The following NOL10 variants were observed in gnomAD, a reference collection of about 807,000 sequenced individuals.
NOL10 encodes nucleolar protein 10, also known as H_NH0074G24.1.
A neutral mutation model predicts 103.5 loss-of-function variants in NOL10; 58 were observed. The observed-to-expected ratio is 0.56, with a 90% CI of 0.45 to 0.70. The LOEUF (loss-of-function observed/expected upper bound fraction) is 0.70. Among genes scored for constraint, NOL10 ranks in the 30% least tolerant of loss-of-function variants. The probability of loss-of-function intolerance (pLI) is 0.00; values close to 1 mark genes in which losing one functional copy is unlikely to be tolerated. For missense variants in NOL10, 763 were observed against 807.3 expected, an observed-to-expected ratio of 0.95 and a Z score of 0.67; for synonymous variants, 287 against 282.5, an observed-to-expected ratio of 1.02 and a Z score of -0.16.
chr2:10,659,122 C>T lies in NOL10; in HGVS notation c.756+50G>A, dbSNP rs1467036846. The T allele has an allele frequency of 4.9e-6, 6 of 1,233,688 alleles. No individual in the cohort carries two copies. The South Asian group carries it at 7.7e-5, about 16-fold the overall frequency. The allele number at this position is 1,233,688 out of a possible 1,614,324, so 76.4% of individuals were successfully genotyped here. On this transcript the variant is annotated intron_variant, in intron 10 of 20. Transcript: ENST00000381685. The stretch of plus-strand genomic sequence containing the variant: ...GTGTATTTCTCATGACACATACACA[C>T]ACCACTGAAATACCAACTTACATGT...
intron 13 of NOL10, among the ~76,000 whole-genome samples, chr2:10,632,893 T>A (rs1677935679): frequency 6.6e-6 from 1 of 152,220 alleles, no homozygotes; most frequent in African/African-American, 2.4e-5. Context: ...AGTCTGAAAC[T>A]CCTGGGCTCA....
chr2:10,648,423 G>GC, intron 12 of NOL10, among the ~76,000 whole-genome samples: 1 of 152,272 alleles, frequency 6.6e-6, no homozygotes, highest in Non-Finnish European at 1.5e-5. Flanking sequence ...AAGAAGGGGC[G>GC]CCTACGGGTC....
intron 17 of NOL10, among the ~76,000 whole-genome samples, chr2:10,595,141 G>A (rs1180379664): frequency 7.8e-6 from 1 of 128,478 alleles, no homozygotes; most frequent in East Asian, 2.1e-4. Flanking sequence ...GAGGGGGAGG[G>A]GGCAGAGAGA....
At chr2:10,656,638 G>A (rs1182962892) in intron 11 of NOL10, among the ~76,000 whole-genome samples, 1 of 152,240 alleles carries the variant, frequency 6.6e-6, no homozygotes, top group Non-Finnish European at 1.5e-5. Context: ...GCTGAACTGT[G>A]AGGGGCTGTC....
At chr2:10,652,536 T>G (rs1430908910) in intron 12 of NOL10, among the ~76,000 whole-genome samples, 1 of 152,214 alleles carries the variant, frequency 6.6e-6, no homozygotes, top group Non-Finnish European at 1.5e-5. Flanking sequence ...CTTTCCTTCC[T>G]GCCCCAACTT....
In NOL10 at chr2:10,689,969, G is replaced by T; in HGVS notation, c.-108C>A. The T allele has an allele frequency of 1.0e-6, 1 of 990,490 alleles. No homozygotes were observed. Among genetic ancestry groups the T allele is most frequent in the Non-Finnish European group, 1.5e-6 (1 of 659,758 alleles). 61.4% of individuals were successfully genotyped at this position (990,490 alleles called of 1,614,324 possible). On this transcript the variant is annotated 5_prime_UTR_variant, in exon 1 of 21. Transcript: ENST00000381685. ...TGCTCCGCGGCGTGCGGCCGCTGGC[G>T]CCGACTGATGACGCACTTCCTGGAG... is the stretch of plus-strand genomic sequence containing the variant.
rs1674140888 is a variant in NOL10, at chr2:10,570,776, A to C, written c.*1295T>G. 2 of 152,076 alleles carry C rather than the reference A, an allele frequency of 1.3e-5. No individual in the cohort carries two copies. Among genetic ancestry groups the C allele is most frequent in the African/African-American group, 4.8e-5 (2 of 41,398 alleles). The allele number at this position is 152,076 out of a possible 1,614,324, so 9.4% of individuals were successfully genotyped here. Reference sequence around the variant, plus strand: ...TTCTCAAAGAAGCTATTCAAATGAAAGTATATTTATTTTTATAAATGTTTC... The same window carrying C: ...TTCTCAAAGAAGCTATTCAAATGAACGTATATTTATTTTTATAAATGTTTC... On this transcript the variant is annotated 3_prime_UTR_variant, in exon 21 of 21. Coordinates refer to ENST00000381685, the MANE Select transcript of NOL10 (RefSeq NM_024894.4).
intron 13 of NOL10, among the ~76,000 whole-genome samples, chr2:10,609,562 TGCACTCCA>T (rs1676446239): frequency 6.6e-6 from 1 of 151,790 alleles, no homozygotes; most frequent in Non-Finnish European, 1.5e-5. Context: ...ATCACGCCAC[TGCACTCCA>T]GCCTGGGCGA....
At chr2:10,593,729 G>A (rs922333731) in intron 17 of NOL10, among the ~76,000 whole-genome samples, 5 of 152,206 alleles carry the variant, frequency 3.3e-5, no homozygotes, top group African/African-American at 1.2e-4. Context: ...GGCTGAGGCT[G>A]GCACTGCAAG....
intron 4 of NOL10, among the ~76,000 whole-genome samples, chr2:10,674,291 C>CCACAT (rs1681145571): frequency 6.6e-6 from 1 of 151,946 alleles, no homozygotes; most frequent in African/African-American, 2.4e-5. Flanking sequence ...ATTCCACAGA[C>CCACAT]CACATATCCC....
At chr2:10,587,964 C>T (rs1289111793) in intron 19 of NOL10, among the ~76,000 whole-genome samples, 2 of 152,204 alleles carry the variant, frequency 1.3e-5, no homozygotes, top group Admixed American at 6.5e-5. Flanking sequence ...ACTCCTCTTG[C>T]TCCACCTCAA....
intron 19 of NOL10, among the ~76,000 whole-genome samples, chr2:10,583,943 A>G (rs561953052): frequency 2.6e-5 from 4 of 152,192 alleles, no homozygotes; most frequent in Non-Finnish European, 5.9e-5. Context: ...TTACAACACT[A>G]GGGGAGGGGT....
At chr2:10,651,412 A>G (rs1255454584) in intron 12 of NOL10, among the ~76,000 whole-genome samples, 1 of 152,234 alleles carries the variant, frequency 6.6e-6, no homozygotes, top group Non-Finnish European at 1.5e-5. Context: ...TTTAGTAGCC[A>G]CATTTTTAAA....
At chr2:10,582,532 T>G (rs1674815833) in intron 19 of NOL10, among the ~76,000 whole-genome samples, 1 of 152,208 alleles carries the variant, frequency 6.6e-6, no homozygotes, top group Non-Finnish European at 1.5e-5. Context: ...TTGCAGGTCA[T>G]GGCTGCTCCA....
At chr2:10,572,682 A>C (rs147067318) in intron 20 of NOL10, among the ~76,000 whole-genome samples, 1 of 152,370 alleles carries the variant, frequency 6.6e-6, no homozygotes, top group Non-Finnish European at 1.5e-5. Flanking sequence ...GTACGTTATT[A>C]AAGCATTCAT....
intron 13 of NOL10, among the ~76,000 whole-genome samples, chr2:10,616,549 A>AT (rs78809883): frequency 6.1e-5 from 9 of 147,948 alleles, no homozygotes; most frequent in South Asian, 2.2e-4. Context: ...CTCATTCTTC[A>AT]TTTTTTTTTG....
chr2:10,607,750 T>TTTTTTTATTATTA (rs70953321), intron 13 of NOL10, among the ~76,000 whole-genome samples: 3 of 144,726 alleles, frequency 2.1e-5, no homozygotes, highest in Non-Finnish European at 4.5e-5. Flanking sequence ...AAAAACAATA[T>TTTTTTTATTATTA]TTATTATTAT....
chr2:10,579,322 G>C (rs554364306), intron 19 of NOL10, among the ~76,000 whole-genome samples: 106 of 152,232 alleles, frequency 7.0e-4, no homozygotes, highest in African/African-American at 2.5e-3. Context: ...ACATCCCTGA[G>C]ACAGAAGTAT....
intron 13 of NOL10, among the ~76,000 whole-genome samples, chr2:10,628,756 T>C (rs1164605966): frequency 6.6e-6 from 1 of 152,218 alleles, no homozygotes; most frequent in Non-Finnish European, 1.5e-5. Flanking sequence ...CTCAGTGTGA[T>C]GCTGTCATGC....
Sources: allele counts gnomAD v4.1 joint callset (sites outside exome capture counted in the v4.1 genomes callset), GRCh38; gene constraint gnomAD v4.1.1; transcripts MANE v1.5; gene names NCBI Gene and HGNC (gene_info 2026-07-23, HGNC 2026-07-21).